ARHGAP11B: variants seen among roughly 807,000 people sequenced by gnomAD.
The protein encoded by ARHGAP11B is Rho GTPase activating protein 11B.
A neutral mutation model predicts 27.6 loss-of-function variants in ARHGAP11B; 14 were observed. That is an observed-to-expected ratio of 0.51 (90% CI 0.34 to 0.79). The LOEUF (loss-of-function observed/expected upper bound fraction) is 0.79. ARHGAP11B is among the 30% of genes least tolerant of loss of function. The pLI is 0.02. For synonymous variants in ARHGAP11B, 82 were observed against 114.1 expected (o/e 0.72, Z 1.80); for missense variants, 245 against 320.1 (o/e 0.77, Z 1.79).
At chr15:30,643,523 T>C (rs143694689) in intron 7 of ARHGAP11B, among the ~76,000 whole-genome samples, 1,638 of 152,130 alleles carry the variant, frequency 0.011, 42 homozygotes, top group African/African-American at 0.038. Context: ...ATGATCCGCC[T>C]GCCTAGGCCT....
intron 1 of ARHGAP11B, among the ~76,000 whole-genome samples, chr15:30,629,436 C>G (rs201797142): frequency 3.3e-5 from 5 of 151,980 alleles, no homozygotes; most frequent in Non-Finnish European, 7.4e-5. Context: ...CGCCTGTAGT[C>G]CCAGCTACTC....
At chr15:30,638,775 A>C (rs1165240746) in exon 7 of ARHGAP11B, 1 of 1,492,656 alleles carries the variant, frequency 6.7e-7, no homozygotes, top group Admixed American at 2.4e-5. Flanking sequence ...AAATAAATTT[A>C]AACCTAACAG....
At chr15:30,629,210 C>T (rs2060228417) in intron 1 of ARHGAP11B, among the ~76,000 whole-genome samples, 1 of 151,948 alleles carries the variant, frequency 6.6e-6, no homozygotes, top group Admixed American at 6.6e-5. Context: ...TTAATTTGAT[C>T]CAGGTCACTC....
At chr15:30,644,759 T>G (rs2060336561) in intron 8 of ARHGAP11B, 5 of 1,288,670 alleles carry the variant, frequency 3.9e-6, no homozygotes, top group Non-Finnish European at 5.6e-6. Flanking sequence ...GATACGAATA[T>G]GAAATTTATT....
At chr15:30,626,772 A>G in exon 1 of ARHGAP11B, 1 of 1,573,220 alleles carries the variant, frequency 6.4e-7, no homozygotes, top group Non-Finnish European at 8.6e-7. Context: ...TTGGTGGCGA[A>G]CGAGGGTCAG....
chr15:30,646,824 C>T (rs2060352033), intron 9 of ARHGAP11B, among the ~76,000 whole-genome samples: 1 of 151,652 alleles, frequency 6.6e-6, no homozygotes, highest in Non-Finnish European at 1.5e-5. Context: ...ACAAAATTAG[C>T]CGGGCGTGGT....
chr15:30,634,896 A>G (rs1465191581), intron 4 of ARHGAP11B, among the ~76,000 whole-genome samples, 184 bp from the exon 5 acceptor site: 1 of 151,644 alleles, frequency 6.6e-6, no homozygotes, highest in Non-Finnish European at 1.5e-5. Flanking sequence ...TACATATTTA[A>G]ATATAGAGAG....
rs1445350947 is a variant in ARHGAP11B at position 30,635,472 on chromosome 15, A to G, written c.661-15A>G. 1 of 1,611,290 alleles carries G rather than the reference A, an allele frequency of 6.2e-7. No homozygotes were observed. Among genetic ancestry groups the G allele is most frequent in the Non-Finnish European group, 8.5e-7 (1 of 1,179,084 alleles). On this transcript the variant is annotated splice_polypyrimidine_tract_variant and intron_variant, in intron 5 of 10. Coordinates refer to ENST00000428041, the Ensembl canonical transcript of ARHGAP11B. ...AAGGATAATAATTGTCTTACTTGTGAACATTTTCATTTAGGGCGTGTACCA... is the reference window on the plus strand; with the variant it reads ...AAGGATAATAATTGTCTTACTTGTGGACATTTTCATTTAGGGCGTGTACCA...
At chr15:30,627,099 T>G in intron 1 of ARHGAP11B, 150 bp downstream of exon 1, 2 of 1,290,508 alleles carry the variant, frequency 1.5e-6, no homozygotes, top group Non-Finnish European at 2.0e-6. Flanking sequence ...TGCTGATATT[T>G]AAAAAGTGAC....
chr15:30,645,486 A>T (rs1207305126), intron 8 of ARHGAP11B, among the ~76,000 whole-genome samples: 1 of 152,028 alleles, frequency 6.6e-6, no homozygotes, highest in Non-Finnish European at 1.5e-5. Context: ...CTATTTATGC[A>T]AACCTAGAGA....
At chr15:30,635,296 G>C (rs2060272493) in intron 5 of ARHGAP11B, 108 bp downstream of exon 5, 2 of 1,516,694 alleles carry the variant, frequency 1.3e-6, no homozygotes, top group South Asian at 1.2e-5. Flanking sequence ...GAAAATCTCT[G>C]TTTCTTTCAA....
At chr15:30,638,672 G>A (rs542235729) in intron 6 of ARHGAP11B, 74 bp from the exon 7 acceptor site, 31 of 915,174 alleles carry the variant, frequency 3.4e-5, no homozygotes, top group Admixed American at 9.5e-5. Flanking sequence ...AAAGAAGACC[G>A]CAAATATTAA....
intron 2 of ARHGAP11B, among the ~76,000 whole-genome samples, chr15:30,631,011 G>A (rs2060242010): frequency 6.6e-6 from 1 of 151,804 alleles, no homozygotes; most frequent in Non-Finnish European, 1.5e-5. Flanking sequence ...GGTGGAGGCT[G>A]CAGTGAGCCT....
intron 2 of ARHGAP11B, among the ~76,000 whole-genome samples, chr15:30,632,799 A>G (rs1473836232): frequency 2.0e-5 from 3 of 151,866 alleles, no homozygotes; most frequent in Non-Finnish European, 4.4e-5. Flanking sequence ...TGGGGTGAGG[A>G]AAAAAAACCT....
chr15:30,628,112 C>T (rs946386549), intron 1 of ARHGAP11B, among the ~76,000 whole-genome samples: 9 of 150,016 alleles, frequency 6.0e-5, no homozygotes, highest in African/African-American at 2.0e-4. Context: ...ATGGAGTCTC[C>T]CTCTGTCGCC....
At chr15:30,627,021 G>A in intron 1 of ARHGAP11B, 72 bp downstream of exon 1, 2 of 1,591,818 alleles carry the variant, frequency 1.3e-6, no homozygotes, top group African/African-American at 1.3e-5. Flanking sequence ...TTAGCAGATC[G>A]TGCTAAAATG....
chr15:30,629,456 A>G (rs886203785), intron 1 of ARHGAP11B, among the ~76,000 whole-genome samples: 1 of 152,024 alleles, frequency 6.6e-6, no homozygotes, highest in East Asian at 1.9e-4. Flanking sequence ...CGGGAAGCTG[A>G]GGCAGGAGAA....
chr15:30,646,502 T>G (rs1011725640), intron 9 of ARHGAP11B, among the ~76,000 whole-genome samples: 1 of 151,962 alleles, frequency 6.6e-6, no homozygotes, highest in African/African-American at 2.4e-5. Flanking sequence ...TGTTGTTGTT[T>G]GTAATACTTA....
exon 4 of ARHGAP11B, chr15:30,634,285 A>G (rs956097981): frequency 1.9e-6 from 3 of 1,613,268 alleles, no homozygotes; most frequent in Non-Finnish European, 2.5e-6. Flanking sequence ...GCTGATTTGC[A>G]TGAAGCACTT....
Sources: gnomAD v4.1 joint callset for allele counts (sites outside exome capture counted in the v4.1 genomes callset) on GRCh38, gnomAD v4.1.1 for gene constraint, MANE v1.5 for transcripts, NCBI Gene and HGNC (gene_info 2026-07-23, HGNC 2026-07-21) for gene names.